Variants in ZNF138 observed in about 807,000 individuals in gnomAD.
ZNF138 encodes zinc finger protein 138.
ZNF138 carries 33 observed loss-of-function variants against 33.0 expected under a neutral mutation model. That is an observed-to-expected ratio of 1.00 (90% confidence interval 0.76 to 1.34). The LOEUF (loss-of-function observed/expected upper bound fraction) is 1.34. Ranked by LOEUF, ZNF138 falls within the 40% of genes most tolerant of loss-of-function variation. ZNF138 has a pLI of 0.00. For synonymous variants in ZNF138, 139 were observed against 120.4 expected (o/e 1.15, Z -1.01); for missense variants, 360 against 370.8 (o/e 0.97, Z 0.24).
chr7:64,806,148 C>T (rs1449349849), intron 1 of ZNF138, among the ~76,000 whole-genome samples: 2 of 152,202 alleles, frequency 1.3e-5, no homozygotes, highest in East Asian at 1.9e-4. Context: ...AGGGTGCCAA[C>T]CAAGCTTTAA....
At chr7:64,804,117 T>A (rs1787378265) in intron 1 of ZNF138, among the ~76,000 whole-genome samples, 1 of 152,210 alleles carries the variant, frequency 6.6e-6, no homozygotes, top group African/African-American at 2.4e-5. Flanking sequence ...CATGCCCAAT[T>A]TCTGCCTCCA....
At chr7:64,823,778 A>G (rs1789357889) in intron 3 of ZNF138, among the ~76,000 whole-genome samples, 1 of 152,126 alleles carries the variant, frequency 6.6e-6, no homozygotes, top group African/African-American at 2.4e-5. Context: ...TCTCTACTAA[A>G]AATACAAAAA....
chr7:64,814,706 T>G (rs1403379187), intron 1 of ZNF138, among the ~76,000 whole-genome samples: 3 of 151,992 alleles, frequency 2.0e-5, no homozygotes, highest in African/African-American at 7.3e-5. Flanking sequence ...GAGGTTGCAG[T>G]GAGCCAAGAT....
downstream of ZNF138, among the ~76,000 whole-genome samples, chr7:64,838,599 A>T (rs1163223684): frequency 2.0e-5 from 3 of 152,144 alleles, no homozygotes; most frequent in Non-Finnish European, 2.9e-5. Context: ...CCTCTCGGGA[A>T]TTAAAAACTT....
intron 3 of ZNF138, among the ~76,000 whole-genome samples, chr7:64,827,641 G>C (rs1379388381): frequency 6.6e-6 from 1 of 151,464 alleles, no homozygotes; most frequent in African/African-American, 2.4e-5. Context: ...TTATTAGTTA[G>C]ATTTTTTTTA....
intron 3 of ZNF138, among the ~76,000 whole-genome samples, chr7:64,830,577 C>T (rs1408505505): frequency 6.6e-6 from 1 of 152,132 alleles, no homozygotes; most frequent in Non-Finnish European, 1.5e-5. Flanking sequence ...CCCACCTCAT[C>T]CTCCCAAAGT....
At chr7:64,851,473 G>T in the ZNF138 span, among the ~76,000 whole-genome samples, 1 of 152,028 alleles carries the variant, frequency 6.6e-6, no homozygotes, top group Non-Finnish European at 1.5e-5. Flanking sequence ...TAAGAATTAC[G>T]CTAAATAGCT....
At chr7:64,835,030 G>A (rs1446107572), downstream of ZNF138, among the ~76,000 whole-genome samples, 2 of 152,182 alleles carry the variant, frequency 1.3e-5, no homozygotes, top group Non-Finnish European at 2.9e-5. Context: ...CTGTGCCAAA[G>A]GTGCAGCGCG....
Position 64,832,186 on chromosome 7 carries a change from C to CTT in ZNF138, c.947_948dup (p.Asn317LeufsTer40). Reference sequence around the variant, plus strand: ...TACAAATGTGAGGAATGTGGCAAAGCTTTTAACCTATCTTAACAACTTACT... The same window carrying CTT: ...TACAAATGTGAGGAATGTGGCAAAGCTTTTTTAACCTATCTTAACAACTTACT... On this transcript the variant is annotated frameshift_variant, in exon 4 of 4. Coordinates refer to ENST00000307355, the MANE Select transcript of ZNF138 (RefSeq NM_001271639.2). LOFTEE classifies it high-confidence loss of function. 6.2e-7 allele frequency: 1 copy of CTT among 1,607,298 alleles called. No homozygotes were observed. The highest frequency in any genetic ancestry group is 8.5e-7 in the Non-Finnish European group (1 of 1,178,086).
the ZNF138 span, among the ~76,000 whole-genome samples, chr7:64,858,822 C>T: frequency 6.6e-6 from 1 of 152,108 alleles, no homozygotes; most frequent in African/African-American, 2.4e-5. Flanking sequence ...ACAAGGCTTT[C>T]TTCTTTTTAA....
Position 64,826,383 on chromosome 7 carries a change from G to A in ZNF138, c.209-5068G>A, listed in dbSNP as rs910865883. On this transcript the variant is annotated intron_variant, in intron 3 of 3. Transcript: ENST00000307355. ...CAACCTCTGCCTCCCGGGTTCAAGC[G>A]ATTCTTCTGCCTTGGCCTCCCAAGT... is the stretch of plus-strand genomic sequence containing the variant. Among the ~76,000 whole-genome samples, 4 of 151,956 alleles carry A rather than the reference G, an allele frequency of 2.6e-5. No individual in the cohort carries two copies. In the South Asian group the frequency reaches 6.2e-4, roughly 24 times the overall value.
intron 1 of ZNF138, among the ~76,000 whole-genome samples, chr7:64,805,422 ACTGAGGCTG>A (rs1391296216): frequency 6.6e-6 from 1 of 151,460 alleles, no homozygotes; most frequent in African/African-American, 2.4e-5. Context: ...AAAAAAAAAA[ACTGAGGCTG>A]AAACAGTGCT....
the ZNF138 span, among the ~76,000 whole-genome samples, chr7:64,858,387 A>G: frequency 1.3e-5 from 2 of 152,236 alleles, no homozygotes; most frequent in African/African-American, 4.8e-5. Context: ...GAAAGAAGAC[A>G]TGATTACTAA....
chr7:64,825,331 G>C (rs953900577), intron 3 of ZNF138, among the ~76,000 whole-genome samples: 3 of 149,654 alleles, frequency 2.0e-5, no homozygotes, highest in Non-Finnish European at 3.0e-5. Context: ...CGCCAACAGG[G>C]CCGGCTAATT....
the ZNF138 span, among the ~76,000 whole-genome samples, chr7:64,859,208 G>C: frequency 2.0e-5 from 3 of 152,150 alleles, no homozygotes; most frequent in African/African-American, 7.2e-5. Flanking sequence ...TTACAGGCAT[G>C]AGCCACGACG....
Position 64,831,494 on chromosome 7 carries a change from C to A in ZNF138, c.252C>A (p.Asn84Lys). 6.2e-7 allele frequency: 1 copy of A among 1,600,712 alleles called. No individual in the cohort carries two copies. The highest frequency in any genetic ancestry group is 1.1e-5 in the South Asian group (1 of 87,798). The part of the protein sequence containing the change: ...RFAQDLWLEQ[N>K]IKDSFQKVTL... The stretch of plus-strand genomic sequence containing the variant: ...CCCAAGACCTTTGGCTAGAGCAGAA[C>A]ATAAAAGATTCTTTCCAAAAAGTGA... The change falls in exon 4 of 4, where the codon AAC becomes AAA. Residue 84 changes from asparagine (N) to lysine (K), a missense_variant. Coordinates refer to ENST00000307355, the MANE Select transcript of ZNF138 (RefSeq NM_001271639.2).
At chr7:64,817,421 C>A (rs577883770) in intron 3 of ZNF138, among the ~76,000 whole-genome samples, 5 of 152,158 alleles carry the variant, frequency 3.3e-5, no homozygotes, top group Admixed American at 2.6e-4. Context: ...AGTTTGCCAC[C>A]TGAATGAGGG....
intron 3 of ZNF138, among the ~76,000 whole-genome samples, chr7:64,823,626 C>T (rs1789344982): frequency 6.6e-6 from 1 of 152,208 alleles, no homozygotes; most frequent in Non-Finnish European, 1.5e-5. Context: ...TGAACCACTG[C>T]ACCCAGCTGG....
At chr7:64,847,631 A>G in the ZNF138 span, among the ~76,000 whole-genome samples, 1 of 151,996 alleles carries the variant, frequency 6.6e-6, no homozygotes, top group Non-Finnish European at 1.5e-5. Flanking sequence ...TTTAACTGCT[A>G]TTGCTTTAAA....
Sources: gnomAD v4.1 joint callset for allele counts (sites outside exome capture counted in the v4.1 genomes callset) on GRCh38, gnomAD v4.1.1 for gene constraint, MANE v1.5 for transcripts, NCBI Gene and HGNC (gene_info 2026-07-23, HGNC 2026-07-21) for gene names.